ILRUN: variants seen among roughly 807,000 people sequenced by gnomAD.
The protein encoded by ILRUN is protein ILRUN.
ILRUN carries 3 observed loss-of-function variants against 33.8 expected under a neutral mutation model. That is an observed-to-expected ratio of 0.09 (90% confidence interval 0.04 to 0.23). The LOEUF (loss-of-function observed/expected upper bound fraction) is 0.23. Ranked by LOEUF, ILRUN falls within the 10% of genes least tolerant of loss-of-function variation. ILRUN has a pLI of 1.00. For missense variants in ILRUN, 210 were observed against 375.1 expected, an observed-to-expected ratio of 0.56 and a Z score of 3.64; for synonymous variants, 124 against 138.9, an observed-to-expected ratio of 0.89 and a Z score of 0.75.
Position 34,606,919 on chromosome 6 carries a change from T to TA in ILRUN, c.512-16dup, listed in dbSNP as rs765705386. ...CCAGATGACATCTGAAACAAAAAGG[T>TA]AACTCATTTCAATGCCAGGCTTACC... On this transcript the variant is annotated splice_polypyrimidine_tract_variant and intron_variant, in intron 3 of 4. Coordinates refer to ENST00000374023, the MANE Select transcript of ILRUN (RefSeq NM_024294.4). 1 of 1,592,264 alleles carries TA rather than the reference T, an allele frequency of 6.3e-7. No individual in the cohort carries two copies. The highest frequency in any genetic ancestry group is 2.2e-5 in the East Asian group (1 of 44,712).
chr6:34,679,738 A>G (rs1415163069), intron 1 of ILRUN, among the ~76,000 whole-genome samples: 1 of 152,228 alleles, frequency 6.6e-6, no homozygotes, highest in Non-Finnish European at 1.5e-5. Context: ...TAATCAGTTA[A>G]GATGAGGTCA....
intron 4 of ILRUN, among the ~76,000 whole-genome samples, chr6:34,601,036 G>A (rs59183825): frequency 0.022 from 3,290 of 152,162 alleles, 124 homozygotes; most frequent in African/African-American, 0.072. Flanking sequence ...TTTTATCATG[G>A]TACTGTTTGT....
chr6:34,696,439 G>A lies in ILRUN; in HGVS notation c.158+7C>T, dbSNP rs750864959. ...CTGCCAGCGCTGGCACTGCGGGGCC[G>A]GCTCACCAGTTGGTCATGTCCAGGA... is the stretch of plus-strand genomic sequence containing the variant. On this transcript the variant is annotated splice_region_variant and intron_variant, in intron 1 of 4. Transcript: ENST00000374023. The A allele has an allele frequency of 1.3e-6, 2 of 1,551,388 alleles. No individual in the cohort carries two copies. Among genetic ancestry groups the A allele is most frequent in the Non-Finnish European group, 1.7e-6 (2 of 1,148,870 alleles).
intron 1 of ILRUN, among the ~76,000 whole-genome samples, chr6:34,683,399 C>CATATATACATAT (rs1211547522): frequency 1.1e-4 from 12 of 111,160 alleles, no homozygotes; most frequent in East Asian, 3.1e-4. Context: ...TATATATGCA[C>CATATATACATAT]ATATATACAT....
At chr6:34,641,279 G>A (rs115335508) in intron 3 of ILRUN, among the ~76,000 whole-genome samples, 142 of 152,226 alleles carry the variant, frequency 9.3e-4, no homozygotes, top group African/African-American at 3.0e-3. Context: ...CTAGTAAGCC[G>A]AGTGAGCCAA....
intron 3 of ILRUN, among the ~76,000 whole-genome samples, chr6:34,621,793 G>T (rs971969395): frequency 6.6e-6 from 1 of 152,042 alleles, no homozygotes; most frequent in Non-Finnish European, 1.5e-5. Flanking sequence ...ACCCAGGGGG[G>T]CAGAGGTTGC....
At chr6:34,643,329 G>A (rs1380537357) in intron 3 of ILRUN, among the ~76,000 whole-genome samples, 1 of 151,818 alleles carries the variant, frequency 6.6e-6, no homozygotes, top group Admixed American at 6.6e-5. Flanking sequence ...GTGTGTGTGT[G>A]TGTGTTAGTT....
chr6:34,647,666 A>G (rs2814991), intron 2 of ILRUN, among the ~76,000 whole-genome samples: 67,765 of 151,992 alleles, frequency 0.45, 17,145 homozygotes, highest in African/African-American at 0.7. Context: ...CTGGGTTTAC[A>G]CAATTCTCCT....
intron 3 of ILRUN, among the ~76,000 whole-genome samples, chr6:34,642,541 C>T (rs963769110): frequency 6.6e-6 from 1 of 151,996 alleles, no homozygotes. Context: ...ATCTTAAAGA[C>T]AAAGCACAAT....
chr6:34,666,929 G>A (rs1207530218), intron 1 of ILRUN, among the ~76,000 whole-genome samples: 1 of 152,036 alleles, frequency 6.6e-6, no homozygotes, highest in East Asian at 1.9e-4. Flanking sequence ...ATGCATTCCA[G>A]AATAAAAGGA....
intron 1 of ILRUN, among the ~76,000 whole-genome samples, chr6:34,683,512 A>G (rs1376907294): frequency 3.0e-4 from 19 of 63,888 alleles, no homozygotes; most frequent in African/African-American, 2.0e-3. Context: ...ATATATATAT[A>G]TACATATATA....
chr6:34,667,478 A>C (rs999717407), intron 1 of ILRUN, among the ~76,000 whole-genome samples: 17 of 152,222 alleles, frequency 1.1e-4, no homozygotes, highest in African/African-American at 3.9e-4. Context: ...CCACCTATGC[A>C]GTATCAACTC....
At chr6:34,681,658 T>C (rs1025737298) in intron 1 of ILRUN, among the ~76,000 whole-genome samples, 2 of 152,050 alleles carry the variant, frequency 1.3e-5, no homozygotes, top group African/African-American at 2.4e-5. Flanking sequence ...TCCTGTTGCA[T>C]TTTGGGTTTC....
chr6:34,614,025 T>C (rs938894792), intron 3 of ILRUN, among the ~76,000 whole-genome samples: 10 of 152,248 alleles, frequency 6.6e-5, no homozygotes, highest in Middle Eastern at 3.4e-3. Flanking sequence ...CACAGGGACA[T>C]ATAAACCAAC....
intron 1 of ILRUN, among the ~76,000 whole-genome samples, chr6:34,659,313 A>G (rs532838044): frequency 1.3e-5 from 2 of 152,334 alleles, no homozygotes; most frequent in South Asian, 4.1e-4. Context: ...GATAAAATAC[A>G]ACTCTGTCCA....
rs6938501 is a variant in ILRUN at position 34,592,255 on chromosome 6, C to G, written c.862-1655G>C. Among the ~76,000 whole-genome samples the G allele has an allele frequency of 0.012, 1,778 of 152,364 alleles. 40 individuals are homozygous for G. Among genetic ancestry groups the G allele is most frequent in the African/African-American group, 0.037 (1,559 of 41,576 alleles). ...GTGCTGCAGTAGCACCTAACATGTT[C>G]TCTTTAGCCCTCACAAAGATCCAAG... On this transcript the variant is annotated intron_variant, in intron 4 of 4. Coordinates refer to ENST00000374023, the MANE Select transcript of ILRUN (RefSeq NM_024294.4). This position sits in a 1 kb window ranked among gnomAD's most constrained non-coding sequence, Gnocchi z 4.0.
intron 3 of ILRUN, among the ~76,000 whole-genome samples, chr6:34,620,111 G>A (rs1324438094): frequency 1.3e-5 from 2 of 151,958 alleles, no homozygotes; most frequent in African/African-American, 2.4e-5. Context: ...GAATAAAAAT[G>A]AGTACCCTAT....
At chr6:34,665,255 AG>A (rs1179221833) in intron 1 of ILRUN, among the ~76,000 whole-genome samples, 107 of 148,092 alleles carry the variant, frequency 7.2e-4, no homozygotes, top group Non-Finnish European at 1.3e-3. Flanking sequence ...CAGGAGTTCA[AG>A]ACCAGCCTGG....
At chr6:34,678,684 A>G (rs528368750) in intron 1 of ILRUN, among the ~76,000 whole-genome samples, 1 of 151,568 alleles carries the variant, frequency 6.6e-6, no homozygotes, top group Admixed American at 6.6e-5. Flanking sequence ...CATCTCTACT[A>G]AAAATACAAA....
Sources: allele counts gnomAD v4.1 joint callset (sites outside exome capture counted in the v4.1 genomes callset), GRCh38; gene constraint gnomAD v4.1.1; non-coding constraint Gnocchi (gnomAD v3.1); transcripts MANE v1.5; gene names NCBI Gene and HGNC (gene_info 2026-07-23, HGNC 2026-07-21).